The following REPS2 variants were observed in gnomAD, a reference collection of about 807,000 sequenced individuals.
REPS2 encodes RALBP1 associated Eps domain containing 2, also known as ralBP1-associated Eps domain-containing protein 2.
A neutral mutation model predicts 53.6 loss-of-function variants in REPS2; 23 were observed. That is an observed-to-expected ratio of 0.43 (90% CI 0.31 to 0.61). REPS2 has a LOEUF of 0.61. REPS2 is among the 20% of genes least tolerant of loss of function. The probability of loss-of-function intolerance (pLI) is 0.11; values close to 1 mark genes in which losing one functional copy is unlikely to be tolerated. For synonymous variants in REPS2, 238 were observed against 218.6 expected (o/e 1.09, Z -0.78); for missense variants, 446 against 534.9 (o/e 0.83, Z 1.64).
rs190758872 is a variant in REPS2 at position 16,990,270 on chromosome X, C to T, written c.274-15951C>T. Among the ~76,000 whole-genome samples, 397 of 110,862 alleles carry T rather than the reference C, an allele frequency of 3.6e-3. 2 individuals carry two copies. Among genetic ancestry groups the T allele is most frequent in the Non-Finnish European group, 5.9e-3 (312 of 52,864 alleles). On this transcript the variant is annotated intron_variant, in intron 1 of 17. Coordinates refer to ENST00000357277, the MANE Select transcript of REPS2 (RefSeq NM_004726.3). ...AGATGGAGAACAGATTAGTCCATGCCAGGGGTTGAGGGGGCAAGGGTTGGG... is the reference window on the plus strand; with the variant it reads ...AGATGGAGAACAGATTAGTCCATGCTAGGGGTTGAGGGGGCAAGGGTTGGG...
intron 13 of REPS2, among the ~76,000 whole-genome samples, chrX:17,092,949 AAATTT>A (rs1313157645): frequency 9.6e-6 from 1 of 103,815 alleles, no homozygotes; most frequent in Non-Finnish European, 2.0e-5. Context: ...TTTTAAAATT[AAATTT>A]AATTCCAATT....
chrX:16,959,637 A>G (rs925107183), intron 1 of REPS2, among the ~76,000 whole-genome samples: 1 of 111,842 alleles, frequency 8.9e-6, no homozygotes, highest in Non-Finnish European at 1.9e-5. Flanking sequence ...CCAGTAGGAT[A>G]CGATTTCTGT....
chrX:17,165,836 C>T, the REPS2 span, among the ~76,000 whole-genome samples: 1 of 111,135 alleles, frequency 9.0e-6, no homozygotes, highest in Non-Finnish European at 1.9e-5. Flanking sequence ...CCTGTCCTTA[C>T]TCTGCAAGAG....
At chrX:17,187,902 G>A in the REPS2 span, among the ~76,000 whole-genome samples, 1 of 112,420 alleles carries the variant, frequency 8.9e-6, no homozygotes, top group Admixed American at 9.4e-5. Flanking sequence ...GTTTGTCCTG[G>A]TTTTATGTTT....
At chrX:17,083,849 G>T (rs1270163549) in intron 13 of REPS2, among the ~76,000 whole-genome samples, 1 of 110,598 alleles carries the variant, frequency 9.0e-6, no homozygotes, top group Non-Finnish European at 1.9e-5. Flanking sequence ...GTTCAATTTG[G>T]CAGTCTGGGC....
chrX:16,951,907 T>C (rs1172033379), intron 1 of REPS2, among the ~76,000 whole-genome samples: 4 of 111,633 alleles, frequency 3.6e-5, no homozygotes, highest in Non-Finnish European at 5.6e-5. Context: ...ACACATCTTA[T>C]TGGAGTTTTC....
At chrX:17,085,157 G>A (rs766628466) in intron 13 of REPS2, among the ~76,000 whole-genome samples, 1 of 111,886 alleles carries the variant, frequency 8.9e-6, no homozygotes, top group South Asian at 3.7e-4. Flanking sequence ...AATTTTCTTG[G>A]CACCTTTGTT....
intron 4 of REPS2, among the ~76,000 whole-genome samples, 176 bp from the exon 5 acceptor site, chrX:17,029,350 T>C (rs1295638474): frequency 2.7e-5 from 3 of 112,597 alleles, no homozygotes; most frequent in Non-Finnish European, 5.6e-5. Flanking sequence ...GTCTTTAGAT[T>C]GTTTAGTGAA....
At chrX:17,158,131 A>T (rs6653628), downstream of REPS2, among the ~76,000 whole-genome samples, 123 of 112,200 alleles carry the variant, frequency 1.1e-3, no homozygotes, top group African/African-American at 3.8e-3. Flanking sequence ...ACACACGTGC[A>T]CCAAATTTAA....
the REPS2 span, among the ~76,000 whole-genome samples, chrX:17,178,048 A>C: frequency 8.9e-6 from 1 of 111,912 alleles, no homozygotes; most frequent in Non-Finnish European, 1.9e-5. Flanking sequence ...TGTTCTTTGG[A>C]GATGAAACTG....
At chrX:17,189,710 GTGTC>G in the REPS2 span, among the ~76,000 whole-genome samples, 3 of 111,157 alleles carry the variant, frequency 2.7e-5, no homozygotes, top group South Asian at 3.9e-4. Flanking sequence ...GTGTGTGTCT[GTGTC>G]TGTGTGTGTG....
chrX:17,173,220 G>A, the REPS2 span, among the ~76,000 whole-genome samples: 1 of 111,936 alleles, frequency 8.9e-6, no homozygotes, highest in African/African-American at 3.2e-5. Flanking sequence ...GTCTCACAAG[G>A]TTGCTAGCAT....
intron 1 of REPS2, 98 bp downstream of exon 1, chrX:16,947,232 G>C (rs2060448656): frequency 3.3e-6 from 3 of 920,625 alleles, no homozygotes; most frequent in African/African-American, 2.1e-5. Context: ...CAGGGACCCG[G>C]AGGCCTCGGC....
intron 1 of REPS2, among the ~76,000 whole-genome samples, chrX:16,957,040 G>A (rs1325805237): frequency 2.7e-5 from 3 of 112,400 alleles, no homozygotes; most frequent in African/African-American, 9.7e-5. Context: ...TCTCCTGGAG[G>A]TAGGTAATTA....
chrX:17,144,223 A>G (rs927740080), intron 17 of REPS2, among the ~76,000 whole-genome samples: 3 of 112,396 alleles, frequency 2.7e-5, no homozygotes, highest in African/African-American at 9.7e-5. Flanking sequence ...CACTCTCCCT[A>G]TTTCTGGCCC....
At chrX:16,955,867 G>T (rs2060586409) in intron 1 of REPS2, among the ~76,000 whole-genome samples, 1 of 112,289 alleles carries the variant, frequency 8.9e-6, no homozygotes, top group African/African-American at 3.2e-5. Context: ...GTCTGAAGTA[G>T]AAAATTATTC....
intron 1 of REPS2, among the ~76,000 whole-genome samples, chrX:16,952,095 A>G (rs1157202085): frequency 8.9e-6 from 1 of 111,895 alleles, no homozygotes; most frequent in Non-Finnish European, 1.9e-5. Flanking sequence ...TTTAAATTAT[A>G]CTTTAGTTCT....
intron 14 of REPS2, among the ~76,000 whole-genome samples, chrX:17,112,078 G>A (rs2062978680): frequency 9.1e-6 from 1 of 109,705 alleles, no homozygotes; most frequent in Non-Finnish European, 1.9e-5. Context: ...AAGGGACTCA[G>A]CCTCCTGGGT....
chrX:16,950,336 T>C (rs747138123), intron 1 of REPS2, among the ~76,000 whole-genome samples: 4 of 112,353 alleles, frequency 3.6e-5, no homozygotes, highest in Admixed American at 2.8e-4. Context: ...AAAGCTGTTA[T>C]AAACATCTGT....
Sources: allele counts gnomAD v4.1 joint callset (sites outside exome capture counted in the v4.1 genomes callset), GRCh38; gene constraint gnomAD v4.1.1; transcripts MANE v1.5; gene names NCBI Gene and HGNC (gene_info 2026-07-23, HGNC 2026-07-21).